The following FSTL1 variants were observed in gnomAD, a reference collection of about 807,000 sequenced individuals.
FSTL1 encodes the protein follistatin like 1.
Under a neutral mutation model 45.9 loss-of-function variants are expected in FSTL1, and 24 were observed. The ratio of observed to expected loss-of-function variants is 0.52; its 90% CI spans 0.38 to 0.74. FSTL1 has a LOEUF of 0.74. Ranked by LOEUF, FSTL1 falls within the 30% of genes least tolerant of loss-of-function variation. The pLI is 0.00. For missense variants in FSTL1, 340 were observed against 381.8 expected (o/e 0.89, Z 0.91); for synonymous variants, 120 against 137.6 (o/e 0.87, Z 0.89).
chr3:120,424,278 G>T (rs1937336050), intron 2 of FSTL1, among the ~76,000 whole-genome samples: 1 of 152,100 alleles, frequency 6.6e-6, no homozygotes, highest in Admixed American at 6.5e-5. Context: ...CTCCAGCCTG[G>T]GTGACAGAGT....
intron 2 of FSTL1, among the ~76,000 whole-genome samples, chr3:120,437,238 C>A (rs1425643752): frequency 6.6e-6 from 1 of 152,094 alleles, no homozygotes; most frequent in African/African-American, 2.4e-5. Context: ...TGTAATTAGC[C>A]CAACCCTTAC....
chr3:120,407,689 ACAG>A (rs1352628503), intron 6 of FSTL1, among the ~76,000 whole-genome samples: 1 of 152,202 alleles, frequency 6.6e-6, no homozygotes, highest in Non-Finnish European at 1.5e-5. Context: ...CCCTTTGAAG[ACAG>A]CAGCATGTAA....
At chr3:120,414,401 G>A (rs1208514018) in intron 3 of FSTL1, among the ~76,000 whole-genome samples, 14 of 149,348 alleles carry the variant, frequency 9.4e-5, no homozygotes, top group East Asian at 5.9e-4. Flanking sequence ...GCCGCCCATC[G>A]TCTGAGATGT....
At chr3:120,434,585 T>A (rs1937521504) in intron 2 of FSTL1, among the ~76,000 whole-genome samples, 1 of 152,210 alleles carries the variant, frequency 6.6e-6, no homozygotes, top group African/African-American at 2.4e-5. Context: ...ACATTACTTA[T>A]TATACTTCCT....
chr3:120,414,267 C>G (rs1338634037), intron 3 of FSTL1, among the ~76,000 whole-genome samples: 1 of 152,108 alleles, frequency 6.6e-6, no homozygotes, highest in Non-Finnish European at 1.5e-5. Flanking sequence ...AGGAGCCCCT[C>G]TGCCTGGCTG....
chr3:120,438,565 G>A (rs1576226727), intron 2 of FSTL1: 1 of 152,214 alleles, frequency 6.6e-6, no homozygotes, highest in East Asian at 1.9e-4. Flanking sequence ...TCACTAGGCT[G>A]TAAATCACCA....
At chr3:120,440,088 G>C (rs780859288) in intron 2 of FSTL1, among the ~76,000 whole-genome samples, 4 of 152,104 alleles carry the variant, frequency 2.6e-5, no homozygotes, top group Non-Finnish European at 4.4e-5. Context: ...TCTCCAGCCC[G>C]GGCAACAGAG....
intron 2 of FSTL1, among the ~76,000 whole-genome samples, chr3:120,433,009 G>A (rs922843860): frequency 6.6e-6 from 1 of 152,236 alleles, no homozygotes; most frequent in African/African-American, 2.4e-5. Flanking sequence ...CAGAGAGAAA[G>A]AGTAACAGCA....
rs576433790 is a variant in FSTL1 at position 120,403,594 on chromosome 3, C to A, written c.582-240G>T. The stretch of plus-strand genomic sequence containing the variant: ...AGATCACCCAGGCTGTCCAAATGTT[C>A]CCCCCCTTAAGATGACTAAAGTTTC... On this transcript the variant is annotated intron_variant, in intron 7 of 10. Coordinates refer to ENST00000295633, the MANE Select transcript of FSTL1 (RefSeq NM_007085.5). Among the ~76,000 whole-genome samples the A allele has an allele frequency of 2.0e-5, 3 of 152,170 alleles. No individual in the cohort carries two copies. In the South Asian group the frequency reaches 6.2e-4, roughly 32 times the overall value.
intron 2 of FSTL1, among the ~76,000 whole-genome samples, chr3:120,435,043 A>AC (rs1304439201): frequency 1.3e-5 from 2 of 152,036 alleles, no homozygotes; most frequent in Non-Finnish European, 2.9e-5. Flanking sequence ...ACATGGTGAA[A>AC]CCCCATCTCT....
At chr3:120,418,328 C>T (rs1364656468) in intron 2 of FSTL1, among the ~76,000 whole-genome samples, 1 of 152,170 alleles carries the variant, frequency 6.6e-6, no homozygotes, top group East Asian at 1.9e-4. Context: ...GTTTCCAAAG[C>T]TAGAAATGAG....
At chr3:120,410,756 G>C (rs1937035038) in intron 5 of FSTL1, 196 bp downstream of exon 5, 1 of 685,082 alleles carries the variant, frequency 1.5e-6, no homozygotes, top group Admixed American at 2.0e-5. Context: ...CCAACCAGCT[G>C]CTTCAATTGG....
At chr3:120,447,526 C>T (rs145626351) in intron 2 of FSTL1, among the ~76,000 whole-genome samples, 33 of 152,142 alleles carry the variant, frequency 2.2e-4, no homozygotes, top group Non-Finnish European at 3.7e-4. Context: ...ATGCTGCAGA[C>T]AGAGTAGTAA....
intron 6 of FSTL1, among the ~76,000 whole-genome samples, chr3:120,407,065 G>A (rs1466165288): frequency 6.6e-6 from 1 of 152,176 alleles, no homozygotes; most frequent in African/African-American, 2.4e-5. Context: ...ATGAATTCAG[G>A]TGTGAAATTT....
intron 6 of FSTL1, among the ~76,000 whole-genome samples, chr3:120,408,750 G>GC (rs756605237): frequency 2.6e-5 from 4 of 152,040 alleles, no homozygotes; most frequent in Non-Finnish European, 4.4e-5. Context: ...TGCGTGTCTG[G>GC]CATGTTTTGA....
At chr3:120,427,865 A>T (rs959235404) in intron 2 of FSTL1, among the ~76,000 whole-genome samples, 19 of 152,176 alleles carry the variant, frequency 1.2e-4, no homozygotes, top group South Asian at 4.1e-4. Context: ...GAGCAAAGCA[A>T]AATTGGGTGA....
At chr3:120,409,482 A>T in intron 6 of FSTL1, 50 bp downstream of exon 6, 1 of 1,553,504 alleles carries the variant, frequency 6.4e-7, no homozygotes, top group Non-Finnish European at 8.9e-7. Flanking sequence ...GGGAGGAGGA[A>T]GCTTCCCTTT....
At chr3:120,449,872 G>A (rs1937844014) in intron 2 of FSTL1, among the ~76,000 whole-genome samples, 1 of 152,026 alleles carries the variant, frequency 6.6e-6, no homozygotes, top group Non-Finnish European at 1.5e-5. Flanking sequence ...CAAATGTTTA[G>A]TTTCTGACCT....
Position 120,397,004 on chromosome 3 carries a change from A to G in FSTL1, c.883-8T>C, listed in dbSNP as rs1242478023. The G allele has an allele frequency of 6.2e-7, 1 of 1,606,246 alleles. No homozygotes were observed. The highest frequency in any genetic ancestry group is 1.1e-5 in the South Asian group (1 of 90,886). The stretch of plus-strand genomic sequence containing the variant: ...GGTCTTTTCAGCTGTTTCCTTTGAG[A>G]TGCAAGAGAAAATAGGCGTCATGGA... On this transcript the variant is annotated splice_region_variant and splice_polypyrimidine_tract_variant and intron_variant, in intron 10 of 10. Coordinates refer to ENST00000295633, the MANE Select transcript of FSTL1 (RefSeq NM_007085.5).
Sources: allele counts gnomAD v4.1 joint callset (sites outside exome capture counted in the v4.1 genomes callset), GRCh38; gene constraint gnomAD v4.1.1; transcripts MANE v1.5; gene names NCBI Gene and HGNC (gene_info 2026-07-23, HGNC 2026-07-21).